RBFOX1: variants seen among roughly 807,000 people sequenced by gnomAD.
RBFOX1 encodes RNA binding fox-1 homolog 1.
A neutral mutation model predicts 57.7 loss-of-function variants in RBFOX1; 8 were observed. That is an observed-to-expected ratio of 0.14 (90% CI 0.08 to 0.25). The LOEUF (loss-of-function observed/expected upper bound fraction) is 0.25. Ranked by LOEUF, RBFOX1 falls within the 10% of genes least tolerant of loss-of-function variation. The pLI, the probability that RBFOX1 is intolerant of heterozygous loss-of-function variation, is 1.00. For missense variants in RBFOX1, 611 were observed against 548.5 expected, an observed-to-expected ratio of 1.11 and a Z score of -1.14; for synonymous variants, 326 against 222.4, an observed-to-expected ratio of 1.47 and a Z score of -4.15.
intron 3 of RBFOX1, among the ~76,000 whole-genome samples, chr16:6,905,583 A>C (rs1213916316): frequency 6.7e-6 from 1 of 149,540 alleles, no homozygotes; most frequent in Non-Finnish European, 1.5e-5. Context: ...ATGTTTGGTT[A>C]CCCCTTCAAA....
intron 1 of RBFOX1, among the ~76,000 whole-genome samples, chr16:5,360,674 G>A (rs1402487073): frequency 6.6e-6 from 1 of 152,164 alleles, no homozygotes; most frequent in Non-Finnish European, 1.5e-5. Context: ...AGGAAGAAGA[G>A]GGCTTATTGT....
chr16:7,665,394 AT>A (rs1033957730), intron 13 of RBFOX1, among the ~76,000 whole-genome samples: 9 of 152,190 alleles, frequency 5.9e-5, no homozygotes, highest in African/African-American at 2.2e-4. Flanking sequence ...TTTCCCTAAA[AT>A]ATCACAGTAG....
intron 2 of RBFOX1, among the ~76,000 whole-genome samples, chr16:6,342,934 A>G (rs1025792592): frequency 6.6e-6 from 1 of 152,164 alleles, no homozygotes; most frequent in Non-Finnish European, 1.5e-5. Flanking sequence ...AATACAGATC[A>G]TCTCCAAACT....
At chr16:6,991,586 G>A (rs1440789057) in intron 3 of RBFOX1, among the ~76,000 whole-genome samples, 1 of 152,076 alleles carries the variant, frequency 6.6e-6, no homozygotes, top group African/African-American at 2.4e-5. Flanking sequence ...ACCCAGGCTG[G>A]AGTTCAGTGG....
chr16:5,805,672 A>G (rs982008977), intron 3 of RBFOX1, among the ~76,000 whole-genome samples: 5 of 152,252 alleles, frequency 3.3e-5, no homozygotes, highest in African/African-American at 1.2e-4. Flanking sequence ...AGGGGGAAGG[A>G]TAAATTAGCA....
intron 4 of RBFOX1, among the ~76,000 whole-genome samples, chr16:7,202,298 TAAA>T (rs35437762): frequency 6.8e-5 from 9 of 131,728 alleles, no homozygotes; most frequent in African/African-American, 8.2e-5. Context: ...TGGCTGCAAA[TAAA>T]AAAAAAAAAA....
chr16:7,570,425 A>G (rs1026933750), intron 5 of RBFOX1, among the ~76,000 whole-genome samples: 1 of 152,194 alleles, frequency 6.6e-6, no homozygotes, highest in South Asian at 2.1e-4. Flanking sequence ...TCTGATTTCT[A>G]CTGACAACTT....
Position 6,957,116 on chromosome 16 carries a change from TTTTATTTA to T in RBFOX1, c.-15-94917_-15-94910del, listed in dbSNP as rs59003078. Among the ~76,000 whole-genome samples the T allele has an allele frequency of 1.9e-3, 267 of 139,252 alleles. 2 individuals carry two copies. Among genetic ancestry groups the T allele is most frequent in the Non-Finnish European group, 2.5e-3 (163 of 65,420 alleles). The allele number at this position is 139,252 out of a possible 152,430, so 91.4% of individuals were successfully genotyped here. A position where few individuals can be genotyped will look rare whatever the true frequency, so the allele number is the denominator to read the frequency against. ...ATTTATTTTATTTTTTTATTTTTAT[TTTTATTTA>T]TTTATTTATTTATTTATTTATTTTT... On this transcript the variant is annotated intron_variant, in intron 3 of 15. Coordinates refer to ENST00000550418, the MANE Select transcript of RBFOX1 (RefSeq NM_018723.4).
At chr16:6,997,462 T>G (rs1214581451) in intron 3 of RBFOX1, among the ~76,000 whole-genome samples, 1 of 152,160 alleles carries the variant, frequency 6.6e-6, no homozygotes. Context: ...GCACCAGCAA[T>G]AAACTTTAAG....
intron 1 of RBFOX1, among the ~76,000 whole-genome samples, chr16:6,085,112 C>T (rs2096065178): frequency 1.3e-5 from 2 of 152,140 alleles, no homozygotes; most frequent in African/African-American, 4.8e-5. Flanking sequence ...GGCGGGGAGT[C>T]TTTCCTTCAG....
chr16:6,695,251 C>G (rs188159303), intron 3 of RBFOX1, among the ~76,000 whole-genome samples: 2 of 151,946 alleles, frequency 1.3e-5, no homozygotes, highest in African/African-American at 4.8e-5. Context: ...GAAACTCCGT[C>G]TCTACTGAAA....
intron 1 of RBFOX1, among the ~76,000 whole-genome samples, chr16:6,075,565 G>T (rs1039736484): frequency 1.3e-5 from 2 of 152,064 alleles, no homozygotes; most frequent in African/African-American, 4.8e-5. Context: ...TAAGATTTAC[G>T]CCATAGAACA....
intron 4 of RBFOX1, among the ~76,000 whole-genome samples, chr16:7,471,302 A>T (rs1245028101): frequency 6.6e-6 from 1 of 152,232 alleles, no homozygotes; most frequent in African/African-American, 2.4e-5. Context: ...CAATCTCTTT[A>T]AAATACCTTG....
At chr16:5,404,215 G>A (rs78781799) in intron 1 of RBFOX1, among the ~76,000 whole-genome samples, 1 of 152,230 alleles carries the variant, frequency 6.6e-6, no homozygotes, top group South Asian at 2.1e-4. Context: ...TTTAGGTGAT[G>A]AGTGCCTGGG....
chr16:5,491,515 G>A (rs976692539), intron 2 of RBFOX1, among the ~76,000 whole-genome samples: 1 of 152,180 alleles, frequency 6.6e-6, no homozygotes. Flanking sequence ...TCCATCAACA[G>A]GAGAATGGGT....
chr16:6,859,684 A>T lies in RBFOX1; in HGVS notation c.-15-192373A>T, dbSNP rs74007779. 4.5e-3 allele frequency among the ~76,000 whole-genome samples: 684 copies of T among 152,262 alleles called. 8 individuals are homozygous for T. Among genetic ancestry groups the T allele is most frequent in the African/African-American group, 0.016 (649 of 41,540 alleles). Reference sequence around the variant, plus strand: ...TCAATAATGGAACCATTTAATTCAAATTTTTTAATCGACTACGGTATCAGC... The same window carrying T: ...TCAATAATGGAACCATTTAATTCAATTTTTTTAATCGACTACGGTATCAGC... On this transcript the variant is annotated intron_variant, in intron 3 of 15. Transcript: ENST00000550418.
At chr16:7,428,936 C>T (rs2098651079) in intron 4 of RBFOX1, among the ~76,000 whole-genome samples, 1 of 152,052 alleles carries the variant, frequency 6.6e-6, no homozygotes, top group African/African-American at 2.4e-5. Context: ...TCGTAAAGTA[C>T]AACACAGTAC....
chr16:6,514,022 A>G (rs1169221353), intron 2 of RBFOX1, among the ~76,000 whole-genome samples: 2 of 152,180 alleles, frequency 1.3e-5, no homozygotes, highest in African/African-American at 4.8e-5. Flanking sequence ...TCCACCTTAC[A>G]GAGAATCAAC....
At chr16:7,571,509 T>C (rs930995177) in intron 5 of RBFOX1, among the ~76,000 whole-genome samples, 2 of 152,196 alleles carry the variant, frequency 1.3e-5, no homozygotes, top group Non-Finnish European at 2.9e-5. Context: ...TTTATTAAGG[T>C]CTTTGTGGAA....
Sources: gnomAD v4.1 joint callset for allele counts (sites outside exome capture counted in the v4.1 genomes callset) on GRCh38, gnomAD v4.1.1 for gene constraint, MANE v1.5 for transcripts, NCBI Gene and HGNC (gene_info 2026-07-23, HGNC 2026-07-21) for gene names.